NAALADL2: variants seen among roughly 807,000 people sequenced by gnomAD.
The protein encoded by NAALADL2 is N-acetylated alpha-linked acidic dipeptidase like 2.
Under a neutral mutation model 87.2 loss-of-function variants are expected in NAALADL2, and 76 were observed. That is an observed-to-expected ratio of 0.87 (90% CI 0.72 to 1.05). The LOEUF (loss-of-function observed/expected upper bound fraction) is 1.05, where lower values mean the gene tolerates loss of function less well. Among genes scored for constraint, NAALADL2 ranks in the 50% least tolerant of loss-of-function variants. The pLI is 0.00. For missense variants in NAALADL2, 1,089 were observed against 945.8 expected (o/e 1.15, Z -1.99); for synonymous variants, 354 against 331.0 (o/e 1.07, Z -0.75).
chr3:175,116,179 G>A (rs1376554303), intron 2 of NAALADL2, among the ~76,000 whole-genome samples: 1 of 151,932 alleles, frequency 6.6e-6, no homozygotes, highest in Non-Finnish European at 1.5e-5. Flanking sequence ...GCACAAGACA[G>A]GGATGCCCTC....
intron 6 of NAALADL2, among the ~76,000 whole-genome samples, chr3:175,454,245 C>T (rs1254825184): frequency 1.3e-5 from 2 of 151,802 alleles, no homozygotes; most frequent in Non-Finnish European, 2.9e-5. Flanking sequence ...ATATTGTTTT[C>T]CTTGAGGTTT....
intron 3 of NAALADL2, among the ~76,000 whole-genome samples, chr3:174,794,981 CTTTT>C (rs772447340): frequency 4.5e-5 from 3 of 66,696 alleles, no homozygotes; most frequent in East Asian, 4.5e-4. Flanking sequence ...TCTAGTCCAG[CTTTT>C]TTTTTTTTTT....
At chr3:175,780,560 G>A (rs1750913242) in intron 13 of NAALADL2, among the ~76,000 whole-genome samples, 1 of 152,044 alleles carries the variant, frequency 6.6e-6, no homozygotes, top group African/African-American at 2.4e-5. Flanking sequence ...TGCTTTATGT[G>A]TTAATAAAAC....
chr3:175,423,074 A>C (rs1385289619), intron 5 of NAALADL2, among the ~76,000 whole-genome samples: 1 of 139,076 alleles, frequency 7.2e-6, no homozygotes, highest in Non-Finnish European at 1.5e-5. Flanking sequence ...CCTGAGTTGT[A>C]GAACTGGAAA....
chr3:175,655,386 G>T, intron 11 of NAALADL2: 7 of 267,110 alleles, frequency 2.6e-5, no homozygotes, highest in East Asian at 1.1e-4. Context: ...TCAAATTATT[G>T]GAAATCTCTA....
At chr3:174,546,866 T>A (rs907659057) in intron 1 of NAALADL2, among the ~76,000 whole-genome samples, 3 of 152,094 alleles carry the variant, frequency 2.0e-5, no homozygotes, top group African/African-American at 7.2e-5. Context: ...CTATGTTGTC[T>A]AGGTTGGTTT....
At chr3:175,477,818 T>G (rs1725921357) in intron 9 of NAALADL2, among the ~76,000 whole-genome samples, 1 of 152,056 alleles carries the variant, frequency 6.6e-6, no homozygotes, top group Non-Finnish European at 1.5e-5. Flanking sequence ...GTTGCTTCAT[T>G]TTATATTGTT....
At chr3:175,379,739 ATATT>A in intron 5 of NAALADL2, among the ~76,000 whole-genome samples, 1 of 151,934 alleles carries the variant, frequency 6.6e-6, no homozygotes, top group South Asian at 2.1e-4. Context: ...ATTTTTGTAA[ATATT>A]CCTCAAAGGT....
At chr3:175,589,937 G>C (rs1349539231) in intron 10 of NAALADL2, among the ~76,000 whole-genome samples, 2 of 152,126 alleles carry the variant, frequency 1.3e-5, no homozygotes, top group Non-Finnish European at 2.9e-5. Flanking sequence ...TCTTGGCCGG[G>C]TGTGGTGGTT....
At chr3:175,613,441 A>G (rs933538259) in intron 10 of NAALADL2, among the ~76,000 whole-genome samples, 1 of 152,242 alleles carries the variant, frequency 6.6e-6, no homozygotes, top group Non-Finnish European at 1.5e-5. Flanking sequence ...AACATTATGC[A>G]TCGTAGTGTA....
chr3:175,786,220 T>C (rs1480016596), intron 13 of NAALADL2, among the ~76,000 whole-genome samples: 4 of 151,974 alleles, frequency 2.6e-5, no homozygotes, highest in Non-Finnish European at 4.4e-5. Flanking sequence ...TGGCGTTCTC[T>C]GTATTTCCTG....
intron 1 of NAALADL2, among the ~76,000 whole-genome samples, chr3:174,496,493 A>C (rs1035133164): frequency 8.1e-6 from 1 of 123,544 alleles, no homozygotes; most frequent in African/African-American, 3.1e-5. Flanking sequence ...GTCTATATGT[A>C]TGTATATATT....
chr3:175,646,425 G>A (rs920608248), intron 11 of NAALADL2, among the ~76,000 whole-genome samples: 1 of 151,932 alleles, frequency 6.6e-6, no homozygotes, highest in Non-Finnish European at 1.5e-5. Flanking sequence ...TCACTTATGT[G>A]GATGGTTTTT....
At chr3:175,037,080 A>T (rs1753510807) in intron 1 of NAALADL2, among the ~76,000 whole-genome samples, 1 of 151,966 alleles carries the variant, frequency 6.6e-6, no homozygotes, top group African/African-American at 2.4e-5. Context: ...TTTCTCACCC[A>T]TGAAGTCAAA....
intron 2 of NAALADL2, among the ~76,000 whole-genome samples, chr3:174,569,320 T>G (rs964302799): frequency 6.6e-6 from 1 of 151,984 alleles, no homozygotes; most frequent in East Asian, 1.9e-4. Flanking sequence ...AAGAATAGTA[T>G]AGAAATTAAA....
intron 1 of NAALADL2, among the ~76,000 whole-genome samples, chr3:175,036,804 C>CTTTTTTTTTT (rs10662446): frequency 4.3e-5 from 5 of 117,358 alleles, no homozygotes; most frequent in African/African-American, 1.3e-4. Context: ...TCCATCTGTT[C>CTTTTTTTTTT]TTTTTTTTTT....
intron 2 of NAALADL2, among the ~76,000 whole-genome samples, chr3:174,559,059 T>C (rs1004783723): frequency 2.6e-5 from 4 of 152,172 alleles, no homozygotes; most frequent in African/African-American, 9.6e-5. Context: ...GTGACTTTTA[T>C]CTTGGATTTG....
rs746447418 is a variant in NAALADL2 at position 175,256,433 on chromosome 3, A to T, written c.842A>T (p.Tyr281Phe). Residue 281 changes from tyrosine to phenylalanine, a missense_variant, in exon 4 of 14, where the codon TAT (tyrosine) becomes TTT (phenylalanine). Transcript: ENST00000454872. ...TLKAEVIDVSYGMADDLKRIR... is the reference protein window; with the variant it reads ...TLKAEVIDVSFGMADDLKRIR... The stretch of plus-strand genomic sequence containing the variant: ...CAGGCTGAAGTCATCGATGTGAGTT[A>T]TGGAATGGCAGATGATTTAAAAAGG... 3.1e-6 allele frequency: 5 copies of T among 1,611,134 alleles called. No homozygotes were observed. The highest frequency in any genetic ancestry group is 1.7e-6 in the Non-Finnish European group (2 of 1,178,542).
At chr3:175,640,432 T>C (rs1729130210) in intron 11 of NAALADL2, among the ~76,000 whole-genome samples, 1 of 152,142 alleles carries the variant, frequency 6.6e-6, no homozygotes, top group South Asian at 2.1e-4. Context: ...ATTGATGATA[T>C]ATGTGTTCTC....
Sources: allele counts gnomAD v4.1 joint callset (sites outside exome capture counted in the v4.1 genomes callset), GRCh38; gene constraint gnomAD v4.1.1; transcripts MANE v1.5; gene names NCBI Gene and HGNC (gene_info 2026-07-23, HGNC 2026-07-21).